Variants in SPAG1 observed in about 807,000 individuals in gnomAD.
The protein encoded by SPAG1 is sperm-associated antigen 1.
SPAG1 carries 69 observed loss-of-function variants against 100.5 expected under a neutral mutation model. That is an observed-to-expected ratio of 0.69 (90% CI 0.57 to 0.84). SPAG1 has a LOEUF of 0.84. SPAG1 is among the 40% of genes least tolerant of loss of function. The probability of loss-of-function intolerance (pLI) is 0.00; values close to 1 mark genes in which losing one functional copy is unlikely to be tolerated. For missense variants in SPAG1, 955 were observed against 1,133.1 expected, an observed-to-expected ratio of 0.84 and a Z score of 2.26; for synonymous variants, 336 against 411.6, an observed-to-expected ratio of 0.82 and a Z score of 2.22.
At chr8:100,173,550 A>C (rs2132226998) in intron 3 of SPAG1, among the ~76,000 whole-genome samples, 1 of 152,268 alleles carries the variant, frequency 6.6e-6, no homozygotes, top group East Asian at 1.9e-4. Context: ...TAGAACCCTC[A>C]ATACATCTTT....
intron 10 of SPAG1, chr8:100,194,506 C>T (rs1241979929): frequency 8.3e-6 from 5 of 599,518 alleles, no homozygotes; most frequent in Non-Finnish European, 1.5e-5. Context: ...TCCTGGTCAT[C>T]ACCTTTAAAT....
intron 2 of SPAG1, chr8:100,165,079 A>G (rs1815488309): frequency 3.0e-6 from 1 of 329,662 alleles, no homozygotes; most frequent in Non-Finnish European, 5.9e-6. Context: ...GAGTACAGAC[A>G]ACAAACAGGG....
intron 4 of SPAG1, among the ~76,000 whole-genome samples, chr8:100,181,978 G>T (rs1816386397): frequency 6.6e-6 from 1 of 152,152 alleles, no homozygotes; most frequent in Non-Finnish European, 1.5e-5. Flanking sequence ...TGTAAGGACT[G>T]CATAGTACTC....
At chr8:100,235,390 G>A (rs1169240607) in intron 16 of SPAG1, among the ~76,000 whole-genome samples, 1 of 152,110 alleles carries the variant, frequency 6.6e-6, no homozygotes, top group Non-Finnish European at 1.5e-5. Context: ...TAACAGAAGG[G>A]AAGGGGCCAA....
chr8:100,189,507 T>G (rs1245155290), intron 8 of SPAG1, among the ~76,000 whole-genome samples: 2 of 150,626 alleles, frequency 1.3e-5, no homozygotes, highest in African/African-American at 4.9e-5. Context: ...TTAAAAAAAA[T>G]TACTAGACAT....
At chr8:100,226,197 A>G (rs959688818) in intron 14 of SPAG1, among the ~76,000 whole-genome samples, 55 of 151,976 alleles carry the variant, frequency 3.6e-4, no homozygotes, top group African/African-American at 1.2e-3. Flanking sequence ...GAGTCTCCCT[A>G]TGTTGCCCAT....
chr8:100,201,139 A>G (rs1817259703), intron 10 of SPAG1, among the ~76,000 whole-genome samples: 1 of 151,350 alleles, frequency 6.6e-6, no homozygotes. Flanking sequence ...TTTTTTAGAC[A>G]AGGTCTTACT....
At position 100,213,447 on chromosome 8, in the gene SPAG1, G is replaced by T; in HGVS notation, c.1435+19G>T. 1 of 1,381,162 alleles carries T rather than the reference G, an allele frequency of 7.2e-7. No individual in the cohort carries two copies. The highest frequency in any genetic ancestry group is 9.4e-7 in the Non-Finnish European group (1 of 1,069,278). 85.6% of individuals were successfully genotyped at this position (1,381,162 alleles called of 1,614,324 possible). On this transcript the variant is annotated intron_variant, in intron 11 of 18. Transcript: ENST00000388798. ...CCAGCAGGTAGGTGCGCCGCGCCCCGCCGCTTCCTGGGCCCCTCGCGCTGC... is the reference window on the plus strand; with the variant it reads ...CCAGCAGGTAGGTGCGCCGCGCCCCTCCGCTTCCTGGGCCCCTCGCGCTGC...
In SPAG1 at chr8:100,178,087, G is replaced by A. The variant is rs1391204379; in HGVS notation, c.426+146G>A. 13 of 566,586 alleles carry A rather than the reference G, an allele frequency of 2.3e-5. 1 individual carries two copies. Among genetic ancestry groups the A allele is most frequent in the East Asian group, 1.9e-4 (7 of 35,984 alleles). The allele number at this position is 566,586 out of a possible 1,614,324, so 35.1% of individuals were successfully genotyped here. A position where few individuals can be genotyped will look rare whatever the true frequency, so the allele number is the denominator to read the frequency against. On this transcript the variant is annotated intron_variant, in intron 4 of 18. Transcript: ENST00000388798. ...TTTGTTCAGCTGGCTGGGAACTATC[G>A]GCTGGGAACTATCACGTTCTTTACT...
In SPAG1 at chr8:100,177,938, C is replaced by T; in HGVS notation, c.423C>T (p.Gly141=). The T allele has an allele frequency of 6.2e-7, 1 of 1,610,108 alleles. No homozygotes were observed. Among genetic ancestry groups the T allele is most frequent in the Non-Finnish European group, 8.5e-7 (1 of 1,177,724 alleles). ...GTTCAAACAGCTGTCTTCATGTAGG[C>T]AAGGTAGGCTTCTTTGATATCTTTG... ...VRGSNSCLHV[G]KEKYSKRPTK... Residue 141 remains glycine, a synonymous_variant, in exon 4 of 19, where the codon GGC becomes GGT. Coordinates refer to ENST00000388798, the MANE Select transcript of SPAG1 (RefSeq NM_003114.5).
intron 3 of SPAG1, among the ~76,000 whole-genome samples, chr8:100,167,245 G>GA (rs751303730): frequency 2.4e-4 from 36 of 152,188 alleles, no homozygotes; most frequent in Middle Eastern, 3.4e-3. Context: ...TTAAATAGTT[G>GA]AAAAAATGGT....
At chr8:100,225,463 G>A (rs549388586) in intron 14 of SPAG1, 124 bp downstream of exon 14, 4 of 811,122 alleles carry the variant, frequency 4.9e-6, no homozygotes, top group East Asian at 5.5e-5. Flanking sequence ...TGAAGTCCCT[G>A]TTCTCCCTAT....
rs1817817126 is a variant in SPAG1 at position 100,213,295 on chromosome 8, G to C, written c.1302G>C (p.Gly434=). 8 of 1,227,732 alleles carry C rather than the reference G, an allele frequency of 6.5e-6. No individual in the cohort carries two copies. Among genetic ancestry groups the C allele is most frequent in the Non-Finnish European group, 8.1e-6 (8 of 986,972 alleles). 76.1% of individuals were successfully genotyped at this position (1,227,732 alleles called of 1,614,324 possible). ...AAAAAGGGAT[G]HPGGGQGAEN... The stretch of plus-strand genomic sequence containing the variant: ...CGGCGGCGGGCGGCGGCGCCACCGG[G>C]CATCCGGGCGGCGGGCAGGGCGCGG... Residue 434 remains glycine (G), a synonymous_variant, in exon 11 of 19, where the codon GGG becomes GGC. Coordinates refer to ENST00000388798, the MANE Select transcript of SPAG1 (RefSeq NM_003114.5).
At chr8:100,180,031 G>A (rs1291710482) in intron 4 of SPAG1, among the ~76,000 whole-genome samples, 26 of 152,208 alleles carry the variant, frequency 1.7e-4, no homozygotes, top group Admixed American at 1.7e-3. Context: ...GACCTTTCAA[G>A]TGCAAATTAG....
intron 16 of SPAG1, among the ~76,000 whole-genome samples, chr8:100,238,538 T>G (rs1386767916): frequency 6.6e-6 from 1 of 152,222 alleles, no homozygotes; most frequent in African/African-American, 2.4e-5. Context: ...GAACATAGCT[T>G]GTCACAGCAG....
At position 100,225,345 on chromosome 8, in the gene SPAG1, G is replaced by A; in HGVS notation, c.1855+6G>A. Reference sequence around the variant, plus strand: ...TCGCCAGCAGGGCATCACAGGTGGGGGATGCCTGCACTCATTTCTTCTCAA... The same window carrying A: ...TCGCCAGCAGGGCATCACAGGTGGGAGATGCCTGCACTCATTTCTTCTCAA... On this transcript the variant is annotated splice_donor_region_variant and intron_variant, in intron 14 of 18. Transcript: ENST00000388798. The A allele has an allele frequency of 6.2e-7, 1 of 1,611,688 alleles. No individual in the cohort carries two copies. The highest frequency in any genetic ancestry group is 8.5e-7 in the Non-Finnish European group (1 of 1,178,704).
chr8:100,184,187 C>T, intron 6 of SPAG1, 125 bp downstream of exon 6: 1 of 459,984 alleles, frequency 2.2e-6, no homozygotes, highest in Non-Finnish European at 3.8e-6. Context: ...TATGGATTTT[C>T]TCTTACAGTT....
rs115536377 is a variant in SPAG1, at chr8:100,204,328, A to G, written c.1097-8762A>G. ...AGTGTGACCCATAAGGAGGTGCGCT[A>G]CACTCAAAAATAACTGTTTGAGTTC... On this transcript the variant is annotated intron_variant, in intron 10 of 18. Coordinates refer to ENST00000388798, the MANE Select transcript of SPAG1 (RefSeq NM_003114.5). Among the ~76,000 whole-genome samples the G allele has an allele frequency of 6.3e-3, 964 of 152,318 alleles. 10 individuals carry two copies. Among genetic ancestry groups the G allele is most frequent in the African/African-American group, 0.022 (914 of 41,572 alleles).
chr8:100,225,799 C>T (rs1328449197), intron 14 of SPAG1, among the ~76,000 whole-genome samples: 1 of 151,852 alleles, frequency 6.6e-6, no homozygotes, highest in African/African-American at 2.4e-5. Context: ...CTACATACCT[C>T]CTGTGTCCTA....
Sources: allele counts gnomAD v4.1 joint callset (sites outside exome capture counted in the v4.1 genomes callset), GRCh38; gene constraint gnomAD v4.1.1; transcripts MANE v1.5; gene names NCBI Gene and HGNC (gene_info 2026-07-23, HGNC 2026-07-21).